PTPN4: variants seen among roughly 807,000 people sequenced by gnomAD.
PTPN4 encodes tyrosine-protein phosphatase non-receptor type 4.
Under a neutral mutation model 135.5 loss-of-function variants are expected in PTPN4, and 49 were observed. The ratio of observed to expected loss-of-function variants is 0.36; its 90% CI spans 0.29 to 0.46. PTPN4 has a LOEUF of 0.46. Among genes scored for constraint, PTPN4 ranks in the 20% least tolerant of loss-of-function variants. The pLI is 1.00. For missense variants in PTPN4, 860 were observed against 1,101.0 expected, an observed-to-expected ratio of 0.78 and a Z score of 3.10; for synonymous variants, 333 against 369.9, an observed-to-expected ratio of 0.90 and a Z score of 1.14.
At chr2:119,935,496 A>G (rs920161204) in intron 15 of PTPN4, among the ~76,000 whole-genome samples, 2 of 152,182 alleles carry the variant, frequency 1.3e-5, no homozygotes, top group African/African-American at 4.8e-5. Context: ...GTGTAGGGTC[A>G]TGTTTGTCCC....
intron 2 of PTPN4, among the ~76,000 whole-genome samples, chr2:119,810,873 G>A (rs188748985): frequency 6.6e-5 from 10 of 151,700 alleles, no homozygotes; most frequent in Middle Eastern, 3.4e-3. Flanking sequence ...TCAGTATTCC[G>A]AGAATCTCAT....
intron 25 of PTPN4, among the ~76,000 whole-genome samples, chr2:119,967,093 T>G (rs571635276): frequency 1.3e-5 from 2 of 152,350 alleles, no homozygotes; most frequent in South Asian, 4.1e-4. Context: ...AACTACTGCA[T>G]TCGTGTTCAC....
At chr2:119,775,245 A>G (rs1329608040) in intron 1 of PTPN4, among the ~76,000 whole-genome samples, 7 of 151,946 alleles carry the variant, frequency 4.6e-5, no homozygotes, top group Non-Finnish European at 1.0e-4. Flanking sequence ...GACTGCCCTT[A>G]TCTATAAAGC....
intron 1 of PTPN4, among the ~76,000 whole-genome samples, chr2:119,782,416 C>T (rs1325891736): frequency 6.6e-6 from 1 of 151,754 alleles, no homozygotes; most frequent in East Asian, 1.9e-4. Flanking sequence ...GAGACTCCGT[C>T]TAAAAAACGA....
chr2:119,807,134 T>TA (rs1691486658), intron 1 of PTPN4, among the ~76,000 whole-genome samples: 1 of 152,078 alleles, frequency 6.6e-6, no homozygotes, highest in Admixed American at 6.5e-5. Context: ...AGGAAAGATC[T>TA]AAAATCGACA....
chr2:119,951,329 C>A lies in PTPN4; in HGVS notation c.1657-644C>A, dbSNP rs146361237. The stretch of plus-strand genomic sequence containing the variant: ...CTCTATTTATGGTCCATTCAAACTT[C>A]ACCTCCAGCATTATTCACTTTGCTG... On this transcript the variant is annotated intron_variant, in intron 18 of 26. Coordinates refer to ENST00000263708, the MANE Select transcript of PTPN4 (RefSeq NM_002830.4). 4.3e-3 allele frequency among the ~76,000 whole-genome samples: 657 copies of A among 152,312 alleles called. 6 individuals carry two copies. The highest frequency in any genetic ancestry group is 0.015 in the African/African-American group (625 of 41,564).
At chr2:119,841,162 C>A (rs1677375192) in intron 2 of PTPN4, among the ~76,000 whole-genome samples, 2 of 151,730 alleles carry the variant, frequency 1.3e-5, no homozygotes, top group Admixed American at 6.6e-5. Context: ...TTTTAACCGC[C>A]CACCAGATCA....
intron 3 of PTPN4, among the ~76,000 whole-genome samples, chr2:119,876,773 G>T (rs1473446026): frequency 6.6e-6 from 1 of 151,706 alleles, no homozygotes; most frequent in Non-Finnish European, 1.5e-5. Flanking sequence ...AAATTGGTGG[G>T]TTTTTTTCAA....
intron 9 of PTPN4, among the ~76,000 whole-genome samples, chr2:119,890,071 T>C (rs1678219358): frequency 6.6e-6 from 1 of 152,196 alleles, no homozygotes; most frequent in South Asian, 2.1e-4. Flanking sequence ...GTTTCTTTAT[T>C]TTTTTTCTAG....
At chr2:119,955,047 A>G (rs961851044) in intron 19 of PTPN4, 110 bp from the exon 20 acceptor site, 2 of 1,041,492 alleles carry the variant, frequency 1.9e-6, no homozygotes, top group African/African-American at 1.6e-5. Flanking sequence ...ATTCTTCACA[A>G]ATGAATTATT....
intron 11 of PTPN4, 52 bp downstream of exon 11, chr2:119,915,294 C>A: frequency 7.1e-7 from 1 of 1,401,262 alleles, no homozygotes; most frequent in Middle Eastern, 1.8e-4. Flanking sequence ...TTAAGAAATA[C>A]CCATTCATGA....
intron 2 of PTPN4, among the ~76,000 whole-genome samples, chr2:119,828,673 G>A (rs887115330): frequency 2.6e-5 from 4 of 152,184 alleles, no homozygotes; most frequent in Non-Finnish European, 4.4e-5. Flanking sequence ...GACTGCATTT[G>A]TCCCACATCT....
At chr2:119,926,802 T>C (rs1000795691) in intron 13 of PTPN4, 136 bp downstream of exon 13, 3 of 634,450 alleles carry the variant, frequency 4.7e-6, no homozygotes, top group Non-Finnish European at 8.1e-6. Flanking sequence ...CACAATTCTT[T>C]AACAGTAAAT....
intron 2 of PTPN4, among the ~76,000 whole-genome samples, chr2:119,824,361 T>A (rs995989589): frequency 5.9e-5 from 9 of 152,124 alleles, no homozygotes; most frequent in Admixed American, 3.9e-4. Flanking sequence ...TTTTATATTT[T>A]AAAAAAATTG....
chr2:119,765,242 T>C (rs1330913110), intron 1 of PTPN4, among the ~76,000 whole-genome samples: 1 of 152,252 alleles, frequency 6.6e-6, no homozygotes, highest in African/African-American at 2.4e-5. Context: ...TGAATATTAT[T>C]TATTTATTTT....
chr2:119,959,913 A>C (rs1679341189), intron 22 of PTPN4, among the ~76,000 whole-genome samples: 1 of 152,194 alleles, frequency 6.6e-6, no homozygotes, highest in Admixed American at 6.5e-5. Flanking sequence ...TATACAGTAG[A>C]GCCATTTAAA....
At position 119,937,264 on chromosome 2, in the gene PTPN4, A is replaced by G. The variant is rs528931497; in HGVS notation, c.1355+2306A>G. Among the ~76,000 whole-genome samples the G allele has an allele frequency of 5.3e-5, 8 of 152,366 alleles. No individual in the cohort carries two copies. In the East Asian group the frequency reaches 1.5e-3, roughly 29 times the overall value. ...CAGTTTTTCTGTTGTCCAAATGTGA[A>G]AAGAATTTAAATGATGTATTGGATT... On this transcript the variant is annotated intron_variant, in intron 15 of 26. Transcript: ENST00000263708.
chr2:119,896,526 T>G (rs753826037), intron 9 of PTPN4, among the ~76,000 whole-genome samples: 1 of 152,230 alleles, frequency 6.6e-6, no homozygotes, highest in African/African-American at 2.4e-5. Context: ...ATGTCTGTTA[T>G]GTTCTTTTTT....
chr2:119,903,428 A>G (rs927889473), intron 10 of PTPN4, among the ~76,000 whole-genome samples: 29 of 151,890 alleles, frequency 1.9e-4, no homozygotes, highest in African/African-American at 6.8e-4. Flanking sequence ...CTAGAGATTG[A>G]CCCACTTAGA....
Sources: allele counts gnomAD v4.1 joint callset (sites outside exome capture counted in the v4.1 genomes callset), GRCh38; gene constraint gnomAD v4.1.1; transcripts MANE v1.5; gene names NCBI Gene and HGNC (gene_info 2026-07-23, HGNC 2026-07-21).